The following SCNN1B variants were observed in gnomAD, a reference collection of about 807,000 sequenced individuals.
SCNN1B encodes sodium channel epithelial 1 subunit beta.
SCNN1B carries 46 observed loss-of-function variants against 65.3 expected under a neutral mutation model. That is an observed-to-expected ratio of 0.70 (90% confidence interval 0.56 to 0.90). The LOEUF (loss-of-function observed/expected upper bound fraction) is 0.90. SCNN1B is among the 40% of genes least tolerant of loss of function. The probability of loss-of-function intolerance (pLI) is 0.00; values close to 1 mark genes in which losing one functional copy is unlikely to be tolerated. For missense variants in SCNN1B, 751 were observed against 830.5 expected, an observed-to-expected ratio of 0.90 and a Z score of 1.18; for synonymous variants, 349 against 330.6, an observed-to-expected ratio of 1.06 and a Z score of -0.60.
chr16:23,355,981 G>A (rs1265242224), intron 4 of SCNN1B, among the ~76,000 whole-genome samples: 1 of 152,112 alleles, frequency 6.6e-6, no homozygotes, highest in Non-Finnish European at 1.5e-5. Flanking sequence ...GTTAAACAAG[G>A]ATGTGGTCTT....
chr16:23,302,704 C>T (rs997406111), intron 1 of SCNN1B, among the ~76,000 whole-genome samples: 1 of 152,172 alleles, frequency 6.6e-6, no homozygotes, highest in African/African-American at 2.4e-5. Context: ...GTGTCTGGGA[C>T]CTCAGAGACG....
chr16:23,334,047 AG>A (rs1961884763), intron 1 of SCNN1B, among the ~76,000 whole-genome samples: 1 of 152,184 alleles, frequency 6.6e-6, no homozygotes, highest in African/African-American at 2.4e-5. Flanking sequence ...TCACCATGTA[AG>A]GTTGCTCCCT....
At chr16:23,365,193 G>C (rs1004169276) in intron 4 of SCNN1B, among the ~76,000 whole-genome samples, 1 of 151,988 alleles carries the variant, frequency 6.6e-6, no homozygotes, top group Non-Finnish European at 1.5e-5. Flanking sequence ...TCAGGAGGCT[G>C]AGGCAGGAGA....
Position 23,380,237 on chromosome 16 carries a change from G to A in SCNN1B, c.1542+68G>A, listed in dbSNP as rs1963012793. On this transcript the variant is annotated intron_variant, in intron 12 of 12. Coordinates refer to ENST00000343070, the MANE Select transcript of SCNN1B (RefSeq NM_000336.3). The surrounding 1 kb of genome is among the most constrained non-coding windows in gnomAD (Gnocchi z 5.4). ...TGACCCCTGCACCCTGAGGGTGGGG[G>A]AAGGGTTCTGAGCCCTATGAAGGAA... 7.3e-6 allele frequency: 11 copies of A among 1,513,122 alleles called. No individual in the cohort carries two copies. The highest frequency in any genetic ancestry group is 9.2e-6 in the Non-Finnish European group (10 of 1,088,198). 93.7% of individuals were successfully genotyped at this position (1,513,122 alleles called of 1,614,324 possible).
In SCNN1B at chr16:23,380,227, G is replaced by A. The variant is rs1383953089; in HGVS notation, c.1542+58G>A. The A allele has an allele frequency of 1.1e-5, 17 of 1,524,086 alleles. No individual in the cohort carries two copies. The highest frequency in any genetic ancestry group is 1.5e-5 in the Non-Finnish European group (17 of 1,098,152). 94.4% of individuals were successfully genotyped at this position (1,524,086 alleles called of 1,614,324 possible). A position where few individuals can be genotyped will look rare whatever the true frequency, so the allele number is the denominator to read the frequency against. On this transcript the variant is annotated intron_variant, in intron 12 of 12. Transcript: ENST00000343070. This position sits in a 1 kb window ranked among gnomAD's most constrained non-coding sequence, Gnocchi z 5.4. ...TGCCCTGCCCTGACCCCTGCACCCT[G>A]AGGGTGGGGGAAGGGTTCTGAGCCC...
intron 1 of SCNN1B, among the ~76,000 whole-genome samples, chr16:23,315,404 G>A (rs1417930543): frequency 6.6e-6 from 1 of 152,044 alleles, no homozygotes; most frequent in Non-Finnish European, 1.5e-5. Context: ...CTGGTGTTTG[G>A]CAAATAACAT....
intron 1 of SCNN1B, among the ~76,000 whole-genome samples, chr16:23,311,582 C>A (rs1234790000): frequency 1.3e-5 from 2 of 152,148 alleles, no homozygotes. Context: ...CCCACCTTAC[C>A]CCTACCCCAG....
At position 23,371,799 on chromosome 16, in the gene SCNN1B, G is replaced by A. The variant is rs1567316411; in HGVS notation, c.1068G>A (p.Glu356=). 6.2e-7 allele frequency: 1 copy of A among 1,614,150 alleles called. No individual in the cohort carries two copies. The highest frequency in any genetic ancestry group is 1.7e-5 in the Admixed American group (1 of 60,028). The change falls in exon 7 of 13, where the codon GAG becomes GAA. Residue 356 remains glutamate (E), a synonymous_variant. Coordinates refer to ENST00000343070, the MANE Select transcript of SCNN1B (RefSeq NM_000336.3). ...AGGACAAGCTTCAGCGCATGGGGGA[G>A]CCCTACAGCCCGTGCACCGTGAATG... ...VLVDKLQRMG[E]PYSPCTVNGS... is the part of the protein sequence containing the mutation.
At position 23,348,572 on chromosome 16, in the gene SCNN1B, G is replaced by T; in HGVS notation, c.-8-20G>T. ...AAGGCTGGTGTCCCAGCTGATGTGC[G>T]TCCCCATGCCTCTCTGCAGGTGCCA... is the stretch of plus-strand genomic sequence containing the variant. On this transcript the variant is annotated intron_variant, in intron 1 of 12. Transcript: ENST00000343070. This position sits in a 1 kb window ranked among gnomAD's most constrained non-coding sequence, Gnocchi z 4.5. 1 of 1,611,114 alleles carries T rather than the reference G, an allele frequency of 6.2e-7. No homozygotes were observed.
At chr16:23,286,457 C>T (rs1275903279) in intron 2 of SCNN1B, among the ~76,000 whole-genome samples, 1 of 152,250 alleles carries the variant, frequency 6.6e-6, no homozygotes, top group East Asian at 1.9e-4. Context: ...ACCACCTGAA[C>T]CCATGAATCA....
At chr16:23,355,269 A>G in intron 3 of SCNN1B, 30 bp from the exon 4 acceptor site, 2 of 1,612,594 alleles carry the variant, frequency 1.2e-6, no homozygotes, top group South Asian at 2.2e-5. Flanking sequence ...CTCCCACGCC[A>G]CCCACAAAAA....
At chr16:23,351,702 G>A (rs1962312241) in intron 2 of SCNN1B, among the ~76,000 whole-genome samples, 1 of 152,282 alleles carries the variant, frequency 6.6e-6, no homozygotes, top group African/African-American at 2.4e-5. Context: ...TGAAGTGACT[G>A]GGGTGCAGGG....
chr16:23,372,774 G>C (rs1232614469), intron 7 of SCNN1B, among the ~76,000 whole-genome samples: 1 of 150,808 alleles, frequency 6.6e-6, no homozygotes, highest in Non-Finnish European at 1.5e-5. Flanking sequence ...TAACAGGCAT[G>C]AGCCACCGCA....
At chr16:23,311,658 G>T (rs956159721) in intron 1 of SCNN1B, among the ~76,000 whole-genome samples, 2 of 152,216 alleles carry the variant, frequency 1.3e-5, no homozygotes, top group Non-Finnish European at 2.9e-5. Context: ...TTGGAGAGAG[G>T]CTTTGGCAGG....
intron 4 of SCNN1B, 116 bp from the exon 5 acceptor site, chr16:23,367,740 C>G (rs1567314548): frequency 8.5e-6 from 7 of 826,670 alleles, no homozygotes; most frequent in Admixed American, 7.0e-5. Flanking sequence ...TGACCTGTTG[C>G]TCGCCTCTCC....
intron 1 of SCNN1B, among the ~76,000 whole-genome samples, chr16:23,323,740 T>A (rs1290711194): frequency 1.3e-5 from 2 of 152,138 alleles, no homozygotes; most frequent in East Asian, 3.9e-4. Context: ...AGCTAAGGGT[T>A]GAGGGGCCTT....
intron 1 of SCNN1B, among the ~76,000 whole-genome samples, chr16:23,307,775 C>T (rs922299576): frequency 7.2e-5 from 11 of 152,292 alleles, no homozygotes; most frequent in African/African-American, 2.2e-4. Flanking sequence ...AAATGCCAGG[C>T]GCAGTGGCCA....
Position 23,303,733 on chromosome 16 carries a change from T to C in SCNN1B, c.-9+1296T>C, listed in dbSNP as rs540302359. 2.2e-3 allele frequency among the ~76,000 whole-genome samples: 325 copies of C among 148,290 alleles called. 2 individuals are homozygous for C. Among genetic ancestry groups the C allele is most frequent in the African/African-American group, 7.2e-3 (284 of 39,570 alleles). On this transcript the variant is annotated intron_variant, in intron 1 of 12. Coordinates refer to ENST00000343070, the MANE Select transcript of SCNN1B (RefSeq NM_000336.3). ...GAGTTTGAGACCAGCCCAGCCTACA[T>C]GGTGAAACCCCATTTCTACAAAAAA...
intron 2 of SCNN1B, among the ~76,000 whole-genome samples, chr16:23,290,858 G>A (rs1401815139): frequency 6.6e-6 from 1 of 152,096 alleles, no homozygotes; most frequent in African/African-American, 2.4e-5. Flanking sequence ...AGTTTCGAAA[G>A]TTTTGAAAGT....
Sources: allele counts gnomAD v4.1 joint callset (sites outside exome capture counted in the v4.1 genomes callset), GRCh38; gene constraint gnomAD v4.1.1; non-coding constraint Gnocchi (gnomAD v3.1); transcripts MANE v1.5; gene names NCBI Gene and HGNC (gene_info 2026-07-23, HGNC 2026-07-21).